The following INTS6 variants were observed in gnomAD, a reference collection of about 807,000 sequenced individuals.
The protein encoded by INTS6 is integrator complex subunit 6.
Under a neutral mutation model 104.9 loss-of-function variants are expected in INTS6, and 16 were observed. The observed-to-expected ratio is 0.15, with a 90% CI of 0.10 to 0.23. The LOEUF is 0.23. INTS6 is among the 10% of genes least tolerant of loss of function. The pLI is 1.00. For missense variants in INTS6, 584 were observed against 1,062.8 expected (o/e 0.55, Z 6.26); for synonymous variants, 324 against 358.7 (o/e 0.90, Z 1.09).
rs1698162465 is a variant in INTS6, at chr13:51,363,959, A to G, written c.*1793T>C. 4.3e-6 allele frequency: 1 copy of G among 232,748 alleles called. No individual in the cohort carries two copies. The highest frequency in any genetic ancestry group is 2.3e-5 in the African/African-American group (1 of 44,412). The allele number at this position is 232,748 out of a possible 1,614,324, so 14.4% of individuals were successfully genotyped here. A position where few individuals can be genotyped will look rare whatever the true frequency, so the allele number is the denominator to read the frequency against. The stretch of plus-strand genomic sequence containing the variant: ...TTGGGATGGGCTGAATCTCTTTCCT[A>G]GATACTCTTGTTAAGTATGAATTTT... On this transcript the variant is annotated 3_prime_UTR_variant, in exon 18 of 18. Coordinates refer to ENST00000311234, the MANE Select transcript of INTS6 (RefSeq NM_012141.3).
intron 3 of INTS6, chr13:51,437,246 A>G (rs1352459988): frequency 6.6e-6 from 1 of 152,240 alleles, no homozygotes; most frequent in Non-Finnish European, 1.5e-5. Context: ...AAATCTGTCT[A>G]GTCTCTCAAG....
chr13:51,384,946 A>G (rs1956113355), intron 7 of INTS6: 1 of 261,298 alleles, frequency 3.8e-6, no homozygotes, highest in Non-Finnish European at 7.6e-6. Context: ...ATGGCAGTGA[A>G]ATATAAATAG....
chr13:51,348,243 T>G, the INTS6 span: 4 of 1,600,680 alleles, frequency 2.5e-6, no homozygotes, highest in Non-Finnish European at 3.4e-6. Flanking sequence ...GGCCATCAGG[T>G]GGGGGTGCTG....
At chr13:51,360,436 A>G (rs1955554902), downstream of INTS6, among the ~76,000 whole-genome samples, 2 of 151,998 alleles carry the variant, frequency 1.3e-5, no homozygotes, top group African/African-American at 4.8e-5. Context: ...GATTGGACTG[A>G]ATGATTTCCT....
chr13:51,389,421 G>A lies in INTS6; in HGVS notation c.637C>T (p.Pro213Ser). 1.9e-6 allele frequency: 3 copies of A among 1,611,024 alleles called. No individual in the cohort carries two copies. Among genetic ancestry groups the A allele is most frequent in the Non-Finnish European group, 2.5e-6 (3 of 1,178,758 alleles). Residue 213 changes from proline to serine, a missense_variant, in exon 6 of 18, where the codon CCA (proline) becomes TCA (serine). Physicochemically the swap from Pro to Ser is moderately conservative, Grantham distance 74. This residue lies in a region of INTS6 where 144 missense variants were observed against 348.7 expected (regional missense o/e 0.41). Coordinates refer to ENST00000311234, the MANE Select transcript of INTS6 (RefSeq NM_012141.3). Reference protein sequence around the residue: ...TGGRSYSVCSPRMLNQCLESL... With the variant: ...TGGRSYSVCSSRMLNQCLESL... The stretch of plus-strand genomic sequence containing the variant: ...TCCAGACACTGATTAAGCATTCTTG[G>A]AGAACACACAGAATATGAACGGCCT...
intron 3 of INTS6, chr13:51,355,214 G>T (rs1440141537): frequency 5.3e-6 from 3 of 567,598 alleles, no homozygotes; most frequent in East Asian, 3.3e-5. Context: ...TTGATTAAGG[G>T]ATTCTCATTT....
chr13:51,406,970 G>T (rs1593719595), intron 4 of INTS6, among the ~76,000 whole-genome samples: 1 of 144,582 alleles, frequency 6.9e-6, no homozygotes, highest in African/African-American at 2.6e-5. Flanking sequence ...CAAGACAATT[G>T]TTCTTCCTTC....
At chr13:51,415,195 ATCTC>A (rs1052938757) in intron 4 of INTS6, among the ~76,000 whole-genome samples, 9 of 152,274 alleles carry the variant, frequency 5.9e-5, no homozygotes, top group Middle Eastern at 3.4e-3. Context: ...TTCTTTAAAA[ATCTC>A]TCTATTTGAA....
chr13:51,450,073 T>C (rs1412745434), intron 3 of INTS6: 1 of 985,252 alleles, frequency 1.0e-6, no homozygotes, highest in African/African-American at 1.7e-5. Flanking sequence ...AGAAAGAATT[T>C]CCCTGAAATG....
intron 7 of INTS6, chr13:51,384,426 T>A (rs547693756): frequency 7.1e-6 from 2 of 279,952 alleles, no homozygotes; most frequent in African/African-American, 4.5e-5. Context: ...AAATGAGCTA[T>A]GAGGAAATAA....
chr13:51,452,932 T>G lies in INTS6; in HGVS notation c.-407A>C. On this transcript the variant is annotated 5_prime_UTR_variant, in exon 1 of 18. Transcript: ENST00000311234. The surrounding 1 kb of genome is among the most constrained non-coding windows in gnomAD (Gnocchi z 4.2). Reference sequence around the variant, plus strand: ...ACCTGGGAGCTGGCGAAGAGGGGAGTGGGCTGAGGGAAGATTGGCCCTGGG... The same window carrying G: ...ACCTGGGAGCTGGCGAAGAGGGGAGGGGGCTGAGGGAAGATTGGCCCTGGG... The G allele has an allele frequency of 9.3e-7, 1 of 1,070,156 alleles. No homozygotes were observed. Among genetic ancestry groups the G allele is most frequent in the South Asian group, 2.5e-5 (1 of 40,728 alleles). The allele number at this position is 1,070,156 out of a possible 1,614,324, so 66.3% of individuals were successfully genotyped here.
intron 15 of INTS6, among the ~76,000 whole-genome samples, chr13:51,371,230 T>G (rs971747209): frequency 6.6e-6 from 1 of 152,148 alleles, no homozygotes; most frequent in Non-Finnish European, 1.5e-5. Flanking sequence ...AGATCACCTG[T>G]TAAGAACCTG....
rs995578076 is a variant in INTS6 at position 51,376,075 on chromosome 13, G to C, written c.1702C>G (p.Arg568Gly). 6.2e-7 allele frequency: 1 copy of C among 1,609,928 alleles called. No individual in the cohort carries two copies. The highest frequency in any genetic ancestry group is 8.5e-7 in the Non-Finnish European group (1 of 1,178,662). ...TCGTCCTGTCCTTTCAGAAATCTGC[G>C]AGTGCTCTTCAAAAGATTAGATCTC... ...RMRSNLLKST[R>G]RFLKGQDEDQ... The change falls in exon 13 of 18, where the codon CGC becomes GGC. Residue 568 changes from arginine to glycine, a missense_variant. This residue lies in a region of INTS6 where 296 missense variants were observed against 437.0 expected (regional missense o/e 0.68). Transcript: ENST00000311234.
intron 4 of INTS6, among the ~76,000 whole-genome samples, chr13:51,413,492 C>T (rs1956727286): frequency 2.0e-5 from 3 of 152,058 alleles, no homozygotes; most frequent in African/African-American, 7.2e-5. Context: ...TAGTTATTAT[C>T]CCCATTGTAA....
In INTS6 at chr13:51,376,093, T is replaced by C. The variant is rs1218181374; in HGVS notation, c.1684A>G (p.Asn562Asp). The C allele has an allele frequency of 1.2e-6, 2 of 1,611,688 alleles. No individual in the cohort carries two copies. The highest frequency in any genetic ancestry group is 1.3e-5 in the African/African-American group (1 of 74,872). ...AATCTGCGAGTGCTCTTCAAAAGATTAGATCTCATTCTTGTTAAGTGATCC... is the reference window on the plus strand; with the variant it reads ...AATCTGCGAGTGCTCTTCAAAAGATCAGATCTCATTCTTGTTAAGTGATCC... ...LLDHLTRMRS[N>D]LLKSTRRFLK... The change falls in exon 13 of 18, where the codon AAT becomes GAT. Residue 562 changes from asparagine (N) to aspartate (D), a missense_variant. Physicochemically the swap from Asn to Asp is conservative, Grantham distance 23. This residue lies in a region of INTS6 where 296 missense variants were observed against 437.0 expected (regional missense o/e 0.68). Transcript: ENST00000311234.
intron 4 of INTS6, among the ~76,000 whole-genome samples, chr13:51,396,728 A>G (rs1386798748): frequency 1.3e-5 from 2 of 152,226 alleles, no homozygotes; most frequent in Non-Finnish European, 2.9e-5. Context: ...AGCACAAGAG[A>G]GCAATCAGTC....
At chr13:51,347,437 G>C in the INTS6 span, among the ~76,000 whole-genome samples, 1 of 152,144 alleles carries the variant, frequency 6.6e-6, no homozygotes, top group Non-Finnish European at 1.5e-5. Context: ...TGCTCTGACA[G>C]GACAGTGAGG....
At chr13:51,337,959 G>T in the INTS6 span, among the ~76,000 whole-genome samples, 2 of 152,170 alleles carry the variant, frequency 1.3e-5, no homozygotes, top group Non-Finnish European at 2.9e-5. Context: ...GTACACAGAA[G>T]AAAAATCACT....
chr13:51,350,739 A>G (rs1955395938), downstream of INTS6, among the ~76,000 whole-genome samples: 1 of 152,178 alleles, frequency 6.6e-6, no homozygotes, highest in African/African-American at 2.4e-5. Context: ...TACTAATTCC[A>G]GAACCTTTTC....
Sources: gnomAD v4.1 joint callset for allele counts (sites outside exome capture counted in the v4.1 genomes callset) on GRCh38, gnomAD v4.1.1 for gene constraint, gnomAD v4.1.1 regional missense constraint, Gnocchi (gnomAD v3.1) non-coding constraint, MANE v1.5 for transcripts, NCBI Gene and HGNC (gene_info 2026-07-23, HGNC 2026-07-21) for gene names.